The following CACNA2D1 variants were observed in gnomAD, a reference collection of about 807,000 sequenced individuals.
CACNA2D1 encodes calcium voltage-gated channel auxiliary subunit alpha2delta 1.
Under a neutral mutation model 171.5 loss-of-function variants are expected in CACNA2D1, and 53 were observed. The ratio of observed to expected loss-of-function variants is 0.31; its 90% CI spans 0.25 to 0.39. The LOEUF (loss-of-function observed/expected upper bound fraction) is 0.39. Ranked by LOEUF, CACNA2D1 falls within the 10% of genes least tolerant of loss-of-function variation. CACNA2D1 has a pLI of 1.00. For synonymous variants in CACNA2D1, 442 were observed against 443.1 expected, an observed-to-expected ratio of 1.00 and a Z score of 0.03; for missense variants, 903 against 1,299.8, an observed-to-expected ratio of 0.69 and a Z score of 4.69.
At chr7:82,204,759 ATG>A (rs1165825748) in intron 3 of CACNA2D1, among the ~76,000 whole-genome samples, 1 of 152,048 alleles carries the variant, frequency 6.6e-6, no homozygotes, top group Non-Finnish European at 1.5e-5. Flanking sequence ...CCCAGAGCCT[ATG>A]TATAAGGCCT....
chr7:82,241,822 G>T (rs2129296469), intron 3 of CACNA2D1, among the ~76,000 whole-genome samples: 1 of 152,152 alleles, frequency 6.6e-6, no homozygotes, highest in East Asian at 1.9e-4. Context: ...TAATGGCAAG[G>T]TAAGAGCAGG....
chr7:82,192,318 G>C (rs1264823046), intron 3 of CACNA2D1, among the ~76,000 whole-genome samples: 1 of 151,368 alleles, frequency 6.6e-6, no homozygotes, highest in South Asian at 2.1e-4. Flanking sequence ...TCTATTAATA[G>C]GTATTACTAT....
chr7:81,959,746 C>A lies in CACNA2D1; in HGVS notation c.3050G>T (p.Arg1017Leu). The change falls in exon 37 of 39, where the codon CGA (arginine) becomes CTA (leucine). Residue 1017 changes from arginine to leucine, a missense_variant. Arg to Leu is a moderately radical substitution (Grantham distance 102). Coordinates refer to ENST00000356860, the MANE Select transcript of CACNA2D1 (RefSeq NM_000722.4). ...AGTCTGCTCCGCTTGTATGAGCAGT[C>A]GTGTGTCACATGGACATGTCCCTTT... is the stretch of plus-strand genomic sequence containing the variant. ...ESKGTCPCDT[R>L]LLIQAEQTSD... 6.2e-7 allele frequency: 1 copy of A among 1,612,590 alleles called. No individual in the cohort carries two copies. The highest frequency in any genetic ancestry group is 8.5e-7 in the Non-Finnish European group (1 of 1,179,178).
chr7:82,384,421 G>A (rs1273591227), intron 1 of CACNA2D1, among the ~76,000 whole-genome samples: 1 of 152,104 alleles, frequency 6.6e-6, no homozygotes, highest in East Asian at 1.9e-4. Context: ...AAGCCACAAA[G>A]AGAGCTCTCA....
intron 24 of CACNA2D1, among the ~76,000 whole-genome samples, chr7:81,981,492 C>A (rs1407206878): frequency 1.3e-5 from 2 of 152,078 alleles, no homozygotes; most frequent in African/African-American, 4.8e-5. Context: ...AGAAACAATT[C>A]AGAAATATCC....
chr7:82,139,061 TACTC>T (rs1374527914), intron 4 of CACNA2D1, among the ~76,000 whole-genome samples: 4 of 152,140 alleles, frequency 2.6e-5, no homozygotes, highest in Non-Finnish European at 1.5e-5. Context: ...TTTCAACAGA[TACTC>T]ACTAATATCT....
intron 1 of CACNA2D1, among the ~76,000 whole-genome samples, chr7:82,363,152 C>A (rs1283281129): frequency 3.3e-5 from 5 of 149,912 alleles, no homozygotes; most frequent in Non-Finnish European, 7.4e-5. Context: ...CATCCAATTT[C>A]TAATGCCTAC....
At chr7:82,108,609 A>T (rs527924579) in intron 6 of CACNA2D1, among the ~76,000 whole-genome samples, 1 of 152,342 alleles carries the variant, frequency 6.6e-6, no homozygotes, top group East Asian at 1.9e-4. Flanking sequence ...GAAATGAATT[A>T]AAAAACCACT....
chr7:81,965,405 C>G (rs1240279623), intron 32 of CACNA2D1, among the ~76,000 whole-genome samples, 189 bp downstream of exon 32: 1 of 151,798 alleles, frequency 6.6e-6, no homozygotes, highest in African/African-American at 2.4e-5. Context: ...AATGTAAAAT[C>G]AAATAACATA....
intron 3 of CACNA2D1, among the ~76,000 whole-genome samples, chr7:82,301,255 T>C (rs1254160059): frequency 6.6e-6 from 1 of 152,136 alleles, no homozygotes; most frequent in East Asian, 1.9e-4. Flanking sequence ...GCCTCCCAAG[T>C]AGCTGGGATT....
chr7:82,303,876 T>C (rs981530495), intron 3 of CACNA2D1, among the ~76,000 whole-genome samples: 3 of 152,018 alleles, frequency 2.0e-5, no homozygotes, highest in East Asian at 1.9e-4. Flanking sequence ...GGGACTATAT[T>C]AAACAAAAGC....
chr7:82,159,265 T>C (rs976234718), intron 4 of CACNA2D1, among the ~76,000 whole-genome samples: 1 of 151,926 alleles, frequency 6.6e-6, no homozygotes, highest in African/African-American at 2.4e-5. Context: ...AATCATCAAA[T>C]TGCAAGACAA....
intron 1 of CACNA2D1, among the ~76,000 whole-genome samples, chr7:82,350,175 CAT>C (rs1176475517): frequency 1.3e-5 from 2 of 152,248 alleles, no homozygotes; most frequent in East Asian, 3.9e-4. Context: ...AGCTTTATAA[CAT>C]ATGATACATA....
chr7:82,216,114 T>C (rs1801074063), intron 3 of CACNA2D1, among the ~76,000 whole-genome samples: 2 of 152,178 alleles, frequency 1.3e-5, no homozygotes, highest in Non-Finnish European at 2.9e-5. Flanking sequence ...AAACCATGGC[T>C]CTTGTTTCTT....
chr7:82,423,232 T>G (rs1828880585), intron 1 of CACNA2D1, among the ~76,000 whole-genome samples: 1 of 152,060 alleles, frequency 6.6e-6, no homozygotes, highest in African/African-American at 2.4e-5. Context: ...TATATACACT[T>G]TCTTTAACGT....
At chr7:82,079,610 C>G (rs1009901690) in intron 7 of CACNA2D1, among the ~76,000 whole-genome samples, 1 of 150,614 alleles carries the variant, frequency 6.6e-6, no homozygotes, top group Non-Finnish European at 1.5e-5. Flanking sequence ...GAGAATCGCT[C>G]GAACCCAGGG....
At chr7:82,105,204 A>G (rs1787600533) in intron 6 of CACNA2D1, among the ~76,000 whole-genome samples, 1 of 152,040 alleles carries the variant, frequency 6.6e-6, no homozygotes, top group African/African-American at 2.4e-5. Flanking sequence ...TTATTGTGTC[A>G]ATCTTATTCT....
chr7:81,962,966 GTAAC>G (rs1794320682), intron 34 of CACNA2D1, among the ~76,000 whole-genome samples: 1 of 151,902 alleles, frequency 6.6e-6, no homozygotes, highest in Non-Finnish European at 1.5e-5. Flanking sequence ...AATATGTAAT[GTAAC>G]TTTCATGAAA....
chr7:82,185,083 C>A (rs1043622877), intron 3 of CACNA2D1, among the ~76,000 whole-genome samples: 2 of 152,144 alleles, frequency 1.3e-5, no homozygotes, highest in Non-Finnish European at 2.9e-5. Flanking sequence ...ATACAACTTG[C>A]TCTCAACATC....
Sources: gnomAD v4.1 joint callset for allele counts (sites outside exome capture counted in the v4.1 genomes callset) on GRCh38, gnomAD v4.1.1 for gene constraint, MANE v1.5 for transcripts, NCBI Gene and HGNC (gene_info 2026-07-23, HGNC 2026-07-21) for gene names.